The following DYNC1H1 variants were observed in gnomAD, a reference collection of about 807,000 sequenced individuals.
DYNC1H1 encodes cytoplasmic dynein 1 heavy chain 1.
DYNC1H1 carries 51 observed loss-of-function variants against 527.1 expected under a neutral mutation model. The ratio of observed to expected loss-of-function variants is 0.10; its 90% CI spans 0.08 to 0.12. The LOEUF (loss-of-function observed/expected upper bound fraction) is 0.12. Ranked by LOEUF, DYNC1H1 falls within the 10% of genes least tolerant of loss-of-function variation. DYNC1H1 has a pLI of 1.00. For missense variants in DYNC1H1, 2,771 were observed against 5,971.8 expected (o/e 0.46, Z 17.66); for synonymous variants, 2,189 against 2,278.8 (o/e 0.96, Z 1.12).
chr14:102,010,637 A>AC lies in DYNC1H1; in HGVS notation c.6406-100dup. 6.5e-7 allele frequency: 1 copy of AC among 1,537,522 alleles called. No individual in the cohort carries two copies. On this transcript the variant is annotated intron_variant, in intron 31 of 77. Coordinates refer to ENST00000360184, the MANE Select transcript of DYNC1H1 (RefSeq NM_001376.5). The surrounding 1 kb of genome is among the most constrained non-coding windows in gnomAD (Gnocchi z 6.0). ...ACGAATGTGGGCGAGTGGTGCTCGC[A>AC]CCCTTTGTTCACCAACAGTTACTGA... is the stretch of plus-strand genomic sequence containing the variant.
At position 101,965,029 on chromosome 14, in the gene DYNC1H1, G is replaced by A. The variant is rs1464585765; in HGVS notation, c.256+82G>A. 6.2e-6 allele frequency: 9 copies of A among 1,450,558 alleles called. No individual in the cohort carries two copies. The South Asian group carries it at 1.1e-4, about 18-fold the overall frequency. 89.9% of individuals were successfully genotyped at this position (1,450,558 alleles called of 1,614,324 possible). ...TGCCAGGTCCTCCGGGGTCGCAGAT[G>A]TCCCCGGGATGGGAGGAGCCCGGCA... On this transcript the variant is annotated intron_variant, in intron 1 of 77. Transcript: ENST00000360184. The surrounding 1 kb of genome is among the most constrained non-coding windows in gnomAD (Gnocchi z 4.1).
Position 102,029,434 on chromosome 14 carries a change from G to T in DYNC1H1, c.9469-105G>T. On this transcript the variant is annotated intron_variant, in intron 48 of 77. Coordinates refer to ENST00000360184, the MANE Select transcript of DYNC1H1 (RefSeq NM_001376.5). The surrounding 1 kb of genome is among the most constrained non-coding windows in gnomAD (Gnocchi z 5.3). ...CGAGTGTTCTGGCCCCGAGGGCCAG[G>T]CTCCTTCTATCATGTCACACCCATC... 12 of 1,498,830 alleles carry T rather than the reference G, an allele frequency of 8.0e-6. No individual in the cohort carries two copies. Among genetic ancestry groups the T allele is most frequent in the Non-Finnish European group, 1.1e-5 (12 of 1,091,170 alleles). 92.8% of individuals were successfully genotyped at this position (1,498,830 alleles called of 1,614,324 possible).
chr14:102,033,759 C>A lies in DYNC1H1; in HGVS notation c.10414-217C>A, dbSNP rs1264299002. On this transcript the variant is annotated intron_variant, in intron 54 of 77. Transcript: ENST00000360184. The surrounding 1 kb of genome is among the most constrained non-coding windows in gnomAD (Gnocchi z 5.6). ...TTTGCTCTGCTGCCTGAGGGCCTCG[C>A]TCCGTACCCAGCTTCTGCCCCGCTG... 3 of 689,930 alleles carry A rather than the reference C, an allele frequency of 4.3e-6. No homozygotes were observed. Among genetic ancestry groups the A allele is most frequent in the Admixed American group, 4.7e-5 (2 of 42,248 alleles). The allele number at this position is 689,930 out of a possible 1,614,324, so 42.7% of individuals were successfully genotyped here.
chr14:102,017,313 G>A lies in DYNC1H1; in HGVS notation c.8055+19G>A. 6.2e-7 allele frequency: 1 copy of A among 1,614,194 alleles called. No homozygotes were observed. The highest frequency in any genetic ancestry group is 8.5e-7 in the Non-Finnish European group (1 of 1,180,042). On this transcript the variant is annotated intron_variant, in intron 39 of 77. Transcript: ENST00000360184. This position sits in a 1 kb window ranked among gnomAD's most constrained non-coding sequence, Gnocchi z 4.6. The stretch of plus-strand genomic sequence containing the variant: ...CAGACAGGTTTGTTTCTATCCACAA[G>A]GCCCTTCCTGCCCCACAATGTTTCT...
rs2048192727 is a variant in DYNC1H1 at position 102,005,998 on chromosome 14, T to C, written c.5544T>C (p.Pro1848=). 1 of 1,614,246 alleles carries C rather than the reference T, an allele frequency of 6.2e-7. No individual in the cohort carries two copies. Among genetic ancestry groups the C allele is most frequent in the African/African-American group, 1.3e-5 (1 of 75,074 alleles). The change falls in exon 27 of 78, where the codon CCT becomes CCC. Residue 1848 remains proline (P), a synonymous_variant. Transcript: ENST00000360184. This position sits in a 1 kb window ranked among gnomAD's most constrained non-coding sequence, Gnocchi z 4.0. ...WLSQMRFYFD[P]KQTDVLQQLS... ...GCCAGATGCGATTTTACTTTGACCC[T>C]AAGCAAACTGATGTGTTACAGCAGT...
chr14:102,015,390 T>C lies in DYNC1H1; in HGVS notation c.7242+58T>C. On this transcript the variant is annotated intron_variant, in intron 35 of 77. Coordinates refer to ENST00000360184, the MANE Select transcript of DYNC1H1 (RefSeq NM_001376.5). This position sits in a 1 kb window ranked among gnomAD's most constrained non-coding sequence, Gnocchi z 6.9. ...CTGAGGGTGCTAGGATATTCAGATG[T>C]GGTCTCGCTGTGTTGCCCACGCTGG... 2 of 1,527,398 alleles carry C rather than the reference T, an allele frequency of 1.3e-6. No individual in the cohort carries two copies. The highest frequency in any genetic ancestry group is 1.8e-6 in the Non-Finnish European group (2 of 1,129,952). 94.6% of individuals were successfully genotyped at this position (1,527,398 alleles called of 1,614,324 possible).
chr14:101,999,133 T>G (rs530377925), intron 16 of DYNC1H1, among the ~76,000 whole-genome samples: 1 of 152,076 alleles, frequency 6.6e-6, no homozygotes, highest in Non-Finnish European at 1.5e-5. Flanking sequence ...CTGCCCACCT[T>G]GGCCTCCCAA....
chr14:102,016,017 C>T lies in DYNC1H1; in HGVS notation c.7404C>T (p.Asn2468=), dbSNP rs1221226371. The T allele has an allele frequency of 1.4e-5, 22 of 1,613,782 alleles. No individual in the cohort carries two copies. The highest frequency in any genetic ancestry group is 2.2e-5 in the East Asian group (1 of 44,876). The change falls in exon 36 of 78, where the codon AAC becomes AAT. Residue 2468 remains asparagine (N), a synonymous_variant. Coordinates refer to ENST00000360184, the MANE Select transcript of DYNC1H1 (RefSeq NM_001376.5). The surrounding 1 kb of genome is among the most constrained non-coding windows in gnomAD (Gnocchi z 7.3). ...LFSMLHQACR[N]VAQYNANHPD... ...CCATGCTGCACCAGGCCTGCCGCAACGTGGCGCAGTATAACGCCAACCATC... is the reference window on the plus strand; with the variant it reads ...CCATGCTGCACCAGGCCTGCCGCAATGTGGCGCAGTATAACGCCAACCATC...
At chr14:101,970,186 A>G (rs1280755772) in intron 1 of DYNC1H1, among the ~76,000 whole-genome samples, 1 of 152,168 alleles carries the variant, frequency 6.6e-6, no homozygotes, top group Non-Finnish European at 1.5e-5. Flanking sequence ...ATGGGGTTTC[A>G]TGCTCTCTTC....
At position 102,036,606 on chromosome 14, in the gene DYNC1H1, G is replaced by C. The variant is rs2048578124; in HGVS notation, c.10872G>C (p.Glu3624Asp). Residue 3624 changes from glutamate (E) to aspartate (D), a missense_variant, in exon 57 of 78, where the codon GAG becomes GAC. Around this residue, in one of 32 missense-constraint regions of DYNC1H1, gnomAD observed 283 missense variants for 737.6 expected, o/e 0.38. Transcript: ENST00000360184. This position sits in a 1 kb window ranked among gnomAD's most constrained non-coding sequence, Gnocchi z 5.6. ...FLDDAFRKNL[E>D]SALRFGNPLL... Reference sequence around the variant, plus strand: ...ATGACGCCTTCAGAAAGAACTTAGAGAGTGCACTGAGATTCGGTAACCCCC... The same window carrying C: ...ATGACGCCTTCAGAAAGAACTTAGACAGTGCACTGAGATTCGGTAACCCCC... 6.2e-7 allele frequency: 1 copy of C among 1,614,034 alleles called. No individual in the cohort carries two copies. The highest frequency in any genetic ancestry group is 8.5e-7 in the Non-Finnish European group (1 of 1,180,024).
intron 1 of DYNC1H1, among the ~76,000 whole-genome samples, chr14:101,970,472 TG>T (rs1405598225): frequency 0.023 from 2,952 of 129,258 alleles, 571 homozygotes; most frequent in East Asian, 0.092. Context: ...GGTTTGTTGT[TG>T]TTTTTTTTTT....
At chr14:102,000,721 T>C (rs1396789854) in intron 18 of DYNC1H1, 10 of 515,466 alleles carry the variant, frequency 1.9e-5, no homozygotes, top group African/African-American at 3.9e-5. Flanking sequence ...ATTACAGGCA[T>C]GTGCCACCAC....
Position 102,036,827 on chromosome 14 carries a change from C to G in DYNC1H1, c.10908+185C>G. On this transcript the variant is annotated intron_variant, in intron 57 of 77. Coordinates refer to ENST00000360184, the MANE Select transcript of DYNC1H1 (RefSeq NM_001376.5). This position sits in a 1 kb window ranked among gnomAD's most constrained non-coding sequence, Gnocchi z 5.6. ...TGCATTTAAAATTCTATTCAGTGGT[C>G]GGGCGAGGTGGCTCACACCTGTAAT... The G allele has an allele frequency of 1.2e-6, 1 of 804,750 alleles. No homozygotes were observed. The highest frequency in any genetic ancestry group is 1.9e-6 in the Non-Finnish European group (1 of 517,850). The allele number at this position is 804,750 out of a possible 1,614,324, so 49.9% of individuals were successfully genotyped here.
Position 102,012,278 on chromosome 14 carries a change from T to G in DYNC1H1, c.6858-36T>G. 1 of 1,614,214 alleles carries G rather than the reference T, an allele frequency of 6.2e-7. No individual in the cohort carries two copies. Among genetic ancestry groups the G allele is most frequent in the Non-Finnish European group, 8.5e-7 (1 of 1,180,040 alleles). On this transcript the variant is annotated intron_variant, in intron 33 of 77. Transcript: ENST00000360184. The surrounding 1 kb of genome is among the most constrained non-coding windows in gnomAD (Gnocchi z 4.9). Reference sequence around the variant, plus strand: ...ACATGCCTAATGTTAAAATCTTGATTTAATCAGCAGCTATTTTAAAATCCT... The same window carrying G: ...ACATGCCTAATGTTAAAATCTTGATGTAATCAGCAGCTATTTTAAAATCCT...
chr14:102,027,514 G>A lies in DYNC1H1; in HGVS notation c.9018G>A (p.Glu3006=), dbSNP rs748023081. Residue 3006 remains glutamate (E), a synonymous_variant, in exon 46 of 78, where the codon GAG becomes GAA. Transcript: ENST00000360184. This position sits in a 1 kb window ranked among gnomAD's most constrained non-coding sequence, Gnocchi z 7.7. ...ATGTGTTAGATTCTGGATTCCTGGA[G>A]CGAATGAATACCCTTCTGGCCAATG... ...ESNVLDSGFL[E]RMNTLLANGE... The A allele has an allele frequency of 6.2e-7, 1 of 1,614,186 alleles. No homozygotes were observed. The highest frequency in any genetic ancestry group is 1.1e-5 in the South Asian group (1 of 91,086).
At chr14:102,000,628 G>A in intron 18 of DYNC1H1, 1 of 514,678 alleles carries the variant, frequency 1.9e-6, no homozygotes, top group African/African-American at 2.1e-5. Flanking sequence ...AGGCTGGAGT[G>A]CAATGGCATG....
In DYNC1H1 at chr14:102,005,872, G is replaced by T; in HGVS notation, c.5434-16G>T. On this transcript the variant is annotated splice_polypyrimidine_tract_variant and intron_variant, in intron 26 of 77. Transcript: ENST00000360184. The surrounding 1 kb of genome is among the most constrained non-coding windows in gnomAD (Gnocchi z 4.0). Reference sequence around the variant, plus strand: ...TTTAGTGTAGATGAACTTTTAAAGTGACTCTCTTTCTTCAGATTACAGAGT... The same window carrying T: ...TTTAGTGTAGATGAACTTTTAAAGTTACTCTCTTTCTTCAGATTACAGAGT... 6.2e-7 allele frequency: 1 copy of T among 1,614,132 alleles called. No individual in the cohort carries two copies. Among genetic ancestry groups the T allele is most frequent in the South Asian group, 1.1e-5 (1 of 91,040 alleles).
intron 1 of DYNC1H1, among the ~76,000 whole-genome samples, chr14:101,972,226 AAAAG>A (rs952769808): frequency 3.0e-4 from 46 of 152,264 alleles, no homozygotes; most frequent in East Asian, 1.5e-3. Flanking sequence ...AAAAAAAAAA[AAAAG>A]AAAGAAAAGT....
At chr14:102,008,015 C>A (rs577032556) in intron 28 of DYNC1H1, among the ~76,000 whole-genome samples, 163 bp from the exon 29 acceptor site, 8 of 152,202 alleles carry the variant, frequency 5.3e-5, no homozygotes, top group African/African-American at 1.9e-4. Context: ...CGGCCCCAAC[C>A]CTTATGGCCT....
Sources: gnomAD v4.1 joint callset for allele counts (sites outside exome capture counted in the v4.1 genomes callset) on GRCh38, gnomAD v4.1.1 for gene constraint, gnomAD v4.1.1 regional missense constraint, Gnocchi (gnomAD v3.1) non-coding constraint, MANE v1.5 for transcripts, NCBI Gene and HGNC (gene_info 2026-07-23, HGNC 2026-07-21) for gene names.